Variants in RYR3 observed in about 807,000 individuals in gnomAD.
RYR3 encodes the protein ryanodine receptor 3, also known as brain ryanodine receptor-calcium release channel.
RYR3 carries 207 observed loss-of-function variants against 584.3 expected under a neutral mutation model. The observed-to-expected ratio is 0.35, with a 90% CI of 0.32 to 0.40. The LOEUF (loss-of-function observed/expected upper bound fraction) is 0.40, where lower values mean the gene tolerates loss of function less well. Among genes scored for constraint, RYR3 ranks in the 10% least tolerant of loss-of-function variants. RYR3 has a pLI of 1.00. For missense variants in RYR3, 5,616 were observed against 6,089.2 expected (o/e 0.92, Z 2.59); for synonymous variants, 2,416 against 2,248.5 (o/e 1.07, Z -2.11).
At chr15:33,815,146 A>T (rs532402758) in intron 74 of RYR3, among the ~76,000 whole-genome samples, 1 of 152,112 alleles carries the variant, frequency 6.6e-6, no homozygotes, top group African/African-American at 2.4e-5. Flanking sequence ...ACAGATTACT[A>T]TCTTTGGAAG....
At position 33,739,974 on chromosome 15, in the gene RYR3, C is replaced by T; in HGVS notation, c.7799C>T (p.Pro2600Leu). The T allele has an allele frequency of 6.2e-7, 1 of 1,613,836 alleles. No homozygotes were observed. The highest frequency in any genetic ancestry group is 8.5e-7 in the Non-Finnish European group (1 of 1,179,816). Residue 2600 changes from proline (P) to leucine (L), a missense_variant, in exon 51 of 104, where the codon CCA (proline) becomes CTA (leucine). By Grantham distance (98) the Pro-to-Leu change is moderately conservative. Transcript: ENST00000634891. ...GTGGATGCGGATGGCAACTTTGACC[C>T]AAAACCTATTAACACCATGAAGTGA... ...ISVDADGNFD[P>L]KPINTMNFSL...
At chr15:33,514,374 G>C (rs983528558) in intron 3 of RYR3, among the ~76,000 whole-genome samples, 1 of 152,116 alleles carries the variant, frequency 6.6e-6, no homozygotes, top group Non-Finnish European at 1.5e-5. Flanking sequence ...GAGAACTGGG[G>C]TGTTCTAGAA....
chr15:33,420,792 C>A (rs2044185021), intron 1 of RYR3, among the ~76,000 whole-genome samples: 2 of 151,956 alleles, frequency 1.3e-5, no homozygotes, highest in Admixed American at 1.3e-4. Context: ...ATGAAATATG[C>A]AGATATGGAA....
chr15:33,724,240 C>G, intron 45 of RYR3, 64 bp downstream of exon 45: 3 of 864,862 alleles, frequency 3.5e-6, no homozygotes, highest in Non-Finnish European at 5.5e-6. Flanking sequence ...TATAGATTTC[C>G]TGAACCTCAT....
chr15:33,827,228 G>A lies in RYR3; in HGVS notation c.11275G>A (p.Gly3759Ser), dbSNP rs1334748080. ...DFQNFLRTQM[G>S]NTTTVNVIIS... ...TCAGAACTTCCTGCGGACTCAGATGGGCAACACCACCACCGTGAATGTCAT... is the reference window on the plus strand; with the variant it reads ...TCAGAACTTCCTGCGGACTCAGATGAGCAACACCACCACCGTGAATGTCAT... Residue 3759 changes from glycine (G) to serine (S), a missense_variant, in exon 85 of 104, where the codon GGC becomes AGC. Physicochemically the swap from Gly to Ser is moderately conservative, Grantham distance 56 (BLOSUM62 0). This residue lies in a region of RYR3 where 954 missense variants were observed against 1,132.2 expected (regional missense o/e 0.84). Transcript: ENST00000634891. 2 of 1,552,230 alleles carry A rather than the reference G, an allele frequency of 1.3e-6. No homozygotes were observed. Among genetic ancestry groups the A allele is most frequent in the South Asian group, 1.2e-5 (1 of 84,058 alleles).
In RYR3 at chr15:33,864,202, G is replaced by A. The variant is rs369233619; in HGVS notation, c.14517+13G>A. On this transcript the variant is annotated intron_variant, in intron 103 of 103. Coordinates refer to ENST00000634891, the MANE Select transcript of RYR3 (RefSeq NM_001036.6). ...GCACACGGGTCAGGTGAGAAATTAA[G>A]AATCATATACCCGTGTTAGATCTCC... The A allele has an allele frequency of 9.9e-5, 159 of 1,601,454 alleles. No homozygotes were observed. The highest frequency in any genetic ancestry group is 1.3e-4 in the Non-Finnish European group (155 of 1,171,332).
intron 12 of RYR3, among the ~76,000 whole-genome samples, chr15:33,573,245 AG>A (rs1281469062): frequency 6.6e-6 from 1 of 152,176 alleles, no homozygotes; most frequent in African/African-American, 2.4e-5. Context: ...GGGCTGCAAA[AG>A]TTACAGTGTT....
chr15:33,559,102 G>A (rs776688659), intron 10 of RYR3, among the ~76,000 whole-genome samples: 1 of 152,170 alleles, frequency 6.6e-6, no homozygotes, highest in East Asian at 1.9e-4. Context: ...AAAGGAGGAG[G>A]TTGGCTTTAT....
At chr15:33,858,904 G>A (rs950772606) in intron 99 of RYR3, 5 of 152,382 alleles carry the variant, frequency 3.3e-5, no homozygotes, top group African/African-American at 1.2e-4. Flanking sequence ...TGCTTTCTCG[G>A]GCCAAGCACC....
chr15:33,581,410 C>A, intron 13 of RYR3, 98 bp from the exon 14 acceptor site: 3 of 1,268,156 alleles, frequency 2.4e-6, no homozygotes, highest in Non-Finnish European at 3.3e-6. Context: ...TTGGCATTTT[C>A]AGCTTTAAAA....
chr15:33,697,936 G>C lies in RYR3; in HGVS notation c.6189G>C (p.Leu2063=). Residue 2063 remains leucine (L), a synonymous_variant, in exon 40 of 104, where the codon CTG becomes CTC. Coordinates refer to ENST00000634891, the MANE Select transcript of RYR3 (RefSeq NM_001036.6). ...FYQHPNLMRV[L]GMHETVMEVM... ...AGCATCCCAACCTCATGAGAGTCCT[G>C]GGCATGCACGAGACGGTGATGGAGG... The C allele has an allele frequency of 6.2e-7, 1 of 1,613,914 alleles. No homozygotes were observed. The highest frequency in any genetic ancestry group is 1.1e-5 in the South Asian group (1 of 91,072).
intron 1 of RYR3, among the ~76,000 whole-genome samples, chr15:33,460,079 C>T (rs2047892215): frequency 6.6e-6 from 1 of 152,156 alleles, no homozygotes; most frequent in Non-Finnish European, 1.5e-5. Flanking sequence ...GGTGCATTTT[C>T]TGAGCCTGTT....
chr15:33,478,100 G>C (rs555045268), intron 2 of RYR3, among the ~76,000 whole-genome samples: 1 of 137,426 alleles, frequency 7.3e-6, no homozygotes, highest in South Asian at 2.1e-4. Flanking sequence ...GTGTCCACTT[G>C]AGGGGGTTGG....
chr15:33,857,515 A>G (rs2079817016), intron 98 of RYR3, among the ~76,000 whole-genome samples: 1 of 152,052 alleles, frequency 6.6e-6, no homozygotes, highest in Non-Finnish European at 1.5e-5. Flanking sequence ...GGACCTCAGC[A>G]TATGAATTTG....
chr15:33,579,874 A>G lies in RYR3; in HGVS notation c.1269-102A>G, dbSNP rs2058503459. ...CAGTGGCCGCCCAAGGAAGCAACTC[A>G]TGGTGCACCGTGGGGGGCTGTTAGG... On this transcript the variant is annotated intron_variant, in intron 12 of 103. Transcript: ENST00000634891. 4 of 789,586 alleles carry G rather than the reference A, an allele frequency of 5.1e-6. No homozygotes were observed. The African/African-American group carries it at 5.2e-5, about 10-fold the overall frequency. The allele number at this position is 789,586 out of a possible 1,614,324, so 48.9% of individuals were successfully genotyped here.
intron 100 of RYR3, among the ~76,000 whole-genome samples, chr15:33,860,008 A>T (rs773306504): frequency 6.6e-6 from 1 of 152,162 alleles, no homozygotes. Context: ...TCTGCTTCTG[A>T]GATCTCTCCT....
intron 2 of RYR3, among the ~76,000 whole-genome samples, chr15:33,480,238 A>G (rs1210611045): frequency 6.6e-6 from 1 of 152,220 alleles, no homozygotes; most frequent in Admixed American, 6.5e-5. Flanking sequence ...TGGACTGGTA[A>G]TTCTGGCTCC....
At chr15:33,645,047 AG>A (rs2062024518) in intron 28 of RYR3, among the ~76,000 whole-genome samples, 2 of 152,108 alleles carry the variant, frequency 1.3e-5, no homozygotes, top group Admixed American at 6.5e-5. Flanking sequence ...AAAATTTAAA[AG>A]TTCCATACCT....
At chr15:33,707,374 A>G (rs2066793592) in intron 43 of RYR3, among the ~76,000 whole-genome samples, 1 of 152,046 alleles carries the variant, frequency 6.6e-6, no homozygotes, top group Non-Finnish European at 1.5e-5. Context: ...TTAATACCTC[A>G]CCTGTTTCAC....
Sources: gnomAD v4.1 joint callset for allele counts (sites outside exome capture counted in the v4.1 genomes callset) on GRCh38, gnomAD v4.1.1 for gene constraint, gnomAD v4.1.1 regional missense constraint, MANE v1.5 for transcripts, NCBI Gene and HGNC (gene_info 2026-07-23, HGNC 2026-07-21) for gene names.